The following SHISA9 variants were observed in gnomAD, a reference collection of about 807,000 sequenced individuals.
SHISA9 encodes shisa family member 9, also known as protein shisa-9.
In SHISA9, 13 loss-of-function variants were observed where a neutral mutation model predicts 38.0. The observed-to-expected ratio is 0.34, with a 90% confidence interval of 0.22 to 0.54. The LOEUF (loss-of-function observed/expected upper bound fraction) is 0.54. SHISA9 is among the 20% of genes least tolerant of loss of function. SHISA9 has a pLI of 0.91. For synonymous variants in SHISA9, 275 were observed against 242.0 expected, an observed-to-expected ratio of 1.14 and a Z score of -1.27; for missense variants, 538 against 575.8, an observed-to-expected ratio of 0.93 and a Z score of 0.67.
chr16:13,468,154 A>C, the SHISA9 span, among the ~76,000 whole-genome samples: 2 of 152,230 alleles, frequency 1.3e-5, no homozygotes, highest in Admixed American at 6.5e-5. Context: ...GCAAGATCTC[A>C]TTTTAAAAGA....
At chr16:13,413,525 G>A in the SHISA9 span, among the ~76,000 whole-genome samples, 2 of 152,072 alleles carry the variant, frequency 1.3e-5, no homozygotes, top group Non-Finnish European at 2.9e-5. Flanking sequence ...GGAGGCCGAG[G>A]TGGGCAGATT....
intron 2 of SHISA9, among the ~76,000 whole-genome samples, chr16:12,973,992 T>G (rs2072120723): frequency 6.6e-6 from 1 of 152,178 alleles, no homozygotes; most frequent in African/African-American, 2.4e-5. Context: ...CATCAAAGTA[T>G]TATTGGAAGT....
chr16:13,406,561 C>T, the SHISA9 span, among the ~76,000 whole-genome samples: 1 of 152,188 alleles, frequency 6.6e-6, no homozygotes, highest in Non-Finnish European at 1.5e-5. Context: ...ACTCCTTCTT[C>T]AAGAGCACTT....
chr16:13,334,122 A>G, the SHISA9 span, among the ~76,000 whole-genome samples: 910 of 152,312 alleles, frequency 6.0e-3, 5 homozygotes, highest in Admixed American at 0.01. Flanking sequence ...CTCATTTCAT[A>G]TCAAGAATAG....
chr16:12,909,640 G>C (rs1341382429), intron 1 of SHISA9: 2 of 980,818 alleles, frequency 2.0e-6, no homozygotes, highest in Non-Finnish European at 2.4e-6. Flanking sequence ...CAGGGTCCCA[G>C]CTCCAATGTC....
chr16:13,459,341 G>A, the SHISA9 span, among the ~76,000 whole-genome samples: 1 of 152,048 alleles, frequency 6.6e-6, no homozygotes, highest in Non-Finnish European at 1.5e-5. Context: ...ATGGGGGGAG[G>A]AGGGTGGTAT....
At chr16:13,274,372 T>TTA in the SHISA9 span, among the ~76,000 whole-genome samples, 9 of 152,144 alleles carry the variant, frequency 5.9e-5, no homozygotes, top group South Asian at 2.1e-4. Context: ...GTGTGATTCC[T>TTA]TATATATATA....
chr16:13,014,082 G>T (rs2072712333), intron 2 of SHISA9, among the ~76,000 whole-genome samples: 1 of 152,294 alleles, frequency 6.6e-6, no homozygotes, highest in Non-Finnish European at 1.5e-5. Context: ...GTCAGGAGGT[G>T]CACCTGCCTC....
At chr16:12,934,196 A>G (rs1034817439) in intron 2 of SHISA9, among the ~76,000 whole-genome samples, 5 of 152,214 alleles carry the variant, frequency 3.3e-5, no homozygotes, top group African/African-American at 7.2e-5. Context: ...ATTCAGAAAA[A>G]GGAACAAAGT....
the SHISA9 span, among the ~76,000 whole-genome samples, chr16:13,359,043 G>T: frequency 6.6e-6 from 1 of 152,066 alleles, no homozygotes; most frequent in East Asian, 1.9e-4. Flanking sequence ...AGAATTTCTT[G>T]ATTAGGATGA....
intron 2 of SHISA9, among the ~76,000 whole-genome samples, chr16:13,118,615 G>C (rs901499910): frequency 6.6e-6 from 1 of 152,164 alleles, no homozygotes; most frequent in African/African-American, 2.4e-5. Flanking sequence ...CAGAGATCCT[G>C]CATTTCTTAC....
chr16:13,518,764 G>A, the SHISA9 span, among the ~76,000 whole-genome samples: 1 of 152,200 alleles, frequency 6.6e-6, no homozygotes, highest in South Asian at 2.1e-4. Context: ...GAAGACAACA[G>A]ACTGCGCAAT....
chr16:13,154,701 A>G (rs1303169668), intron 2 of SHISA9, among the ~76,000 whole-genome samples: 1 of 152,208 alleles, frequency 6.6e-6, no homozygotes, highest in East Asian at 1.9e-4. Flanking sequence ...TTTGACCACT[A>G]ATCAGCCTGG....
chr16:13,053,335 G>A (rs543432334), intron 2 of SHISA9, among the ~76,000 whole-genome samples: 9 of 152,080 alleles, frequency 5.9e-5, no homozygotes, highest in Non-Finnish European at 8.8e-5. Flanking sequence ...TGTAGTTGAC[G>A]ATCTGATTAC....
intron 2 of SHISA9, among the ~76,000 whole-genome samples, chr16:13,111,890 A>G (rs1473461085): frequency 8.5e-5 from 13 of 152,192 alleles, no homozygotes; most frequent in Admixed American, 8.5e-4. Context: ...GTTGAGGCAG[A>G]CATTCGTGGA....
intron 2 of SHISA9, among the ~76,000 whole-genome samples, chr16:13,174,983 G>T (rs17832881): frequency 6.6e-6 from 1 of 152,174 alleles, no homozygotes; most frequent in South Asian, 2.1e-4. Flanking sequence ...CACAAAAAGA[G>T]GCTTGCATTT....
chr16:13,537,157 G>A, the SHISA9 span, among the ~76,000 whole-genome samples: 1 of 152,294 alleles, frequency 6.6e-6, no homozygotes, highest in Admixed American at 6.5e-5. Flanking sequence ...GCCAGGCCTG[G>A]TGGCTCATGC....
the SHISA9 span, among the ~76,000 whole-genome samples, chr16:13,507,585 C>T: frequency 2.6e-5 from 4 of 152,122 alleles, no homozygotes; most frequent in Admixed American, 6.6e-5. Context: ...GATTCCAATG[C>T]CGGGGGTTCC....
intron 2 of SHISA9, among the ~76,000 whole-genome samples, chr16:13,147,484 T>C (rs2050457666): frequency 6.8e-6 from 1 of 147,884 alleles, no homozygotes; most frequent in Admixed American, 6.7e-5. Context: ...TTTTTTTTTT[T>C]TTCCAGTCTC....
Sources: allele counts gnomAD v4.1 joint callset (sites outside exome capture counted in the v4.1 genomes callset), GRCh38; gene constraint gnomAD v4.1.1; transcripts MANE v1.5; gene names NCBI Gene and HGNC (gene_info 2026-07-23, HGNC 2026-07-21).